The following ATG7 variants were observed in gnomAD, a reference collection of about 807,000 sequenced individuals.
The protein encoded by ATG7 is autophagy related 7, also known as ubiquitin-like modifier-activating enzyme ATG7.
Under a neutral mutation model 82.4 loss-of-function variants are expected in ATG7, and 70 were observed. The ratio of observed to expected loss-of-function variants is 0.85; its 90% confidence interval spans 0.70 to 1.04. ATG7 has a LOEUF of 1.04. Among genes scored for constraint, ATG7 ranks in the 50% least tolerant of loss-of-function variants. The pLI is 0.00. For synonymous variants in ATG7, 287 were observed against 313.0 expected, an observed-to-expected ratio of 0.92 and a Z score of 0.88; for missense variants, 792 against 864.3, an observed-to-expected ratio of 0.92 and a Z score of 1.05.
At position 11,506,578 on chromosome 3, in the gene ATG7, AAAAAAAC is replaced by A. The variant is rs1404572464; in HGVS notation, c.2080-48232_2080-48226del. On this transcript the variant is annotated intron_variant, in intron 20 of 20. Transcript: ENST00000693202. ...ACAAAAAAAAAAAAAAAAAAAAAAA[AAAAAAAC>A]CCAAAAATTAGCTGGGAGTGGTGGC... 7.1e-3 allele frequency among the ~76,000 whole-genome samples: 103 copies of A among 14,582 alleles called. 4 individuals carry two copies. Among genetic ancestry groups the A allele is most frequent in the African/African-American group, 0.019 (87 of 4,668 alleles). The allele number at this position is 14,582 out of a possible 152,430, so 9.6% of individuals were successfully genotyped here. A position where few individuals can be genotyped will look rare whatever the true frequency, so the allele number is the denominator to read the frequency against.
rs146499910 is a variant in ATG7, at chr3:11,543,080, G to A, written c.2080-11731G>A. 1.8e-4 allele frequency among the ~76,000 whole-genome samples: 27 copies of A among 152,276 alleles called. No homozygotes were observed. In the East Asian group the frequency reaches 4.1e-3, roughly 23 times the overall value. ...GCACAGGCCACAGTTAGATGGCGGC[G>A]TCCTCCAACCGACCCCACGGTGCAG... is the stretch of plus-strand genomic sequence containing the variant. On this transcript the variant is annotated intron_variant, in intron 20 of 20. Coordinates refer to ENST00000693202, the MANE Select transcript of ATG7 (RefSeq NM_001349232.2).
rs142000826 is a variant in ATG7 at position 11,310,249 on chromosome 3, G to A, written c.411+1188G>A. The stretch of plus-strand genomic sequence containing the variant: ...TTCTCCTGCTCATTTTACTTCTTTA[G>A]AATAAGTTCTTTGGAGCGGGCATAT... On this transcript the variant is annotated intron_variant, in intron 7 of 20. Transcript: ENST00000693202. 7.4e-3 allele frequency among the ~76,000 whole-genome samples: 1,133 copies of A among 152,128 alleles called. 12 individuals are homozygous for A. The highest frequency in any genetic ancestry group is 0.01 in the Non-Finnish European group (685 of 68,002).
chr3:11,571,822 A>G, the ATG7 span, among the ~76,000 whole-genome samples: 5 of 152,118 alleles, frequency 3.3e-5, no homozygotes, highest in African/African-American at 1.2e-4. Flanking sequence ...TGAGAAGCCT[A>G]TTGGCCGGGC....
intron 14 of ATG7, among the ~76,000 whole-genome samples, chr3:11,350,235 C>T (rs986431534): frequency 1.3e-5 from 2 of 152,128 alleles, no homozygotes; most frequent in African/African-American, 4.8e-5. Context: ...ATTAATTGAC[C>T]ACCCACTGTG....
chr3:11,492,052 TC>T (rs1194873883), intron 20 of ATG7, among the ~76,000 whole-genome samples: 3 of 152,170 alleles, frequency 2.0e-5, no homozygotes, highest in Non-Finnish European at 4.4e-5. Context: ...TGGGCGCCCC[TC>T]CCCCAGCCTC....
At chr3:11,436,834 T>C (rs1435191674) in intron 20 of ATG7, among the ~76,000 whole-genome samples, 2 of 152,176 alleles carry the variant, frequency 1.3e-5, no homozygotes. Flanking sequence ...TAGGATCTCA[T>C]TTATGTGAAA....
chr3:11,514,723 G>A (rs941464797), intron 20 of ATG7, among the ~76,000 whole-genome samples: 5 of 152,284 alleles, frequency 3.3e-5, no homozygotes, highest in South Asian at 2.1e-4. Flanking sequence ...AGAGCCTCTG[G>A]CAGGTACAAA....
At chr3:11,400,579 CTGATT>C (rs140670402) in intron 19 of ATG7, among the ~76,000 whole-genome samples, 9,186 of 152,004 alleles carry the variant, frequency 0.06, 293 homozygotes, top group African/African-American at 0.08. Context: ...GTGCAAGTAC[CTGATT>C]TTTAAGTGTT....
the ATG7 span, among the ~76,000 whole-genome samples, chr3:11,565,948 C>T: frequency 6.6e-6 from 1 of 152,198 alleles, no homozygotes; most frequent in African/African-American, 2.4e-5. This position sits in a 1 kb window ranked among gnomAD's most constrained non-coding sequence, Gnocchi z 4.1. Flanking sequence ...TATCCGCTGA[C>T]AGAGTAACCT....
At chr3:11,527,069 GTGTA>G (rs1317197460) in intron 20 of ATG7, among the ~76,000 whole-genome samples, 205 of 118,224 alleles carry the variant, frequency 1.7e-3, no homozygotes, top group African/African-American at 5.8e-3. Flanking sequence ...GTGTGTGTGT[GTGTA>G]TATATATATA....
At chr3:11,349,358 G>A (rs1955107426) in intron 14 of ATG7, among the ~76,000 whole-genome samples, 1 of 152,162 alleles carries the variant, frequency 6.6e-6, no homozygotes, top group African/African-American at 2.4e-5. Context: ...GGGAGACATA[G>A]TGAGACCCTA....
intron 20 of ATG7, among the ~76,000 whole-genome samples, chr3:11,491,055 C>T (rs1423782295): frequency 6.6e-6 from 1 of 152,160 alleles, no homozygotes; most frequent in Admixed American, 6.5e-5. Flanking sequence ...TGAATAATAT[C>T]CTGCAGAGTG....
At chr3:11,546,708 G>A (rs1452648509) in intron 20 of ATG7, among the ~76,000 whole-genome samples, 1 of 152,230 alleles carries the variant, frequency 6.6e-6, no homozygotes, top group Admixed American at 6.5e-5. Flanking sequence ...TTGGGTGTGT[G>A]TGGTCCAGGC....
intron 20 of ATG7, among the ~76,000 whole-genome samples, chr3:11,517,164 A>G (rs1195149663): frequency 3.3e-5 from 5 of 152,114 alleles, no homozygotes; most frequent in African/African-American, 1.2e-4. Flanking sequence ...ATGACATTCT[A>G]GAAAAGGCAA....
chr3:11,489,697 A>C (rs2090148685), intron 20 of ATG7, among the ~76,000 whole-genome samples: 1 of 147,560 alleles, frequency 6.8e-6, no homozygotes, highest in Non-Finnish European at 1.5e-5. Context: ...CGTTGGTTTC[A>C]AAGAACATCT....
At chr3:11,533,515 C>A (rs2092730679) in intron 20 of ATG7, among the ~76,000 whole-genome samples, 2 of 141,256 alleles carry the variant, frequency 1.4e-5, no homozygotes, top group South Asian at 2.4e-4. Flanking sequence ...AGTTTGGGAC[C>A]ACAGAGAAAA....
chr3:11,286,626 G>C (rs1268921771), intron 3 of ATG7, among the ~76,000 whole-genome samples: 1 of 110,886 alleles, frequency 9.0e-6, no homozygotes, highest in Non-Finnish European at 1.6e-5. Flanking sequence ...GGTCTGGCTC[G>C]ATCACCTGGG....
At chr3:11,391,513 G>A (rs1318820876) in intron 19 of ATG7, among the ~76,000 whole-genome samples, 1 of 152,166 alleles carries the variant, frequency 6.6e-6, no homozygotes. Context: ...TTAGAGGCAG[G>A]GACAGAAGAG....
intron 20 of ATG7, among the ~76,000 whole-genome samples, chr3:11,474,837 G>T (rs988412131): frequency 6.6e-6 from 1 of 152,046 alleles, no homozygotes; most frequent in Non-Finnish European, 1.5e-5. Flanking sequence ...CCTAAGCAGG[G>T]AATAAGCATG....
Sources: allele counts gnomAD v4.1 joint callset (sites outside exome capture counted in the v4.1 genomes callset), GRCh38; gene constraint gnomAD v4.1.1; non-coding constraint Gnocchi (gnomAD v3.1); transcripts MANE v1.5; gene names NCBI Gene and HGNC (gene_info 2026-07-23, HGNC 2026-07-21).